The following THSD7A variants were observed in gnomAD, a reference collection of about 807,000 sequenced individuals.
The protein encoded by THSD7A is thrombospondin type-1 domain-containing protein 7A.
A neutral mutation model predicts 231.3 loss-of-function variants in THSD7A; 96 were observed. That is an observed-to-expected ratio of 0.41 (90% CI 0.35 to 0.49). The LOEUF is 0.49. Ranked by LOEUF, THSD7A falls within the 20% of genes least tolerant of loss-of-function variation. The probability of loss-of-function intolerance (pLI) is 0.05; values close to 1 mark genes in which losing one functional copy is unlikely to be tolerated. For synonymous variants in THSD7A, 940 were observed against 743.3 expected (o/e 1.26, Z -4.30); for missense variants, 2,290 against 2,070.2 (o/e 1.11, Z -2.06).
At chr7:11,822,163 AC>A in intron 1 of THSD7A, among the ~76,000 whole-genome samples, 1 of 152,140 alleles carries the variant, frequency 6.6e-6, no homozygotes, top group Non-Finnish European at 1.5e-5. Context: ...CGCACATTGC[AC>A]CCATTAGGTA....
chr7:11,411,431 C>G lies in THSD7A; in HGVS notation c.3683-109G>C. 1 of 716,614 alleles carries G rather than the reference C, an allele frequency of 1.4e-6. No homozygotes were observed. The highest frequency in any genetic ancestry group is 2.3e-6 in the Non-Finnish European group (1 of 427,348). 44.4% of individuals were successfully genotyped at this position (716,614 alleles called of 1,614,324 possible). Reference sequence around the variant, plus strand: ...TTTAATTCACAACTGCTTCCTAAGCCCCATAATCAATCATCCCCCATGCAG... The same window carrying G: ...TTTAATTCACAACTGCTTCCTAAGCGCCATAATCAATCATCCCCCATGCAG... On this transcript the variant is annotated intron_variant, in intron 18 of 27. Coordinates refer to ENST00000423059, the MANE Select transcript of THSD7A (RefSeq NM_015204.3). The surrounding 1 kb of genome is among the most constrained non-coding windows in gnomAD (Gnocchi z 4.1).
chr7:11,636,729 C>T lies in THSD7A; in HGVS notation c.423G>A (p.Glu141=), dbSNP rs1156404764. ...CCCCCTTAATGCACTCAAGAGGTTTCTCTAGGCTTTTTGAAATCACGGGCT... is the reference window on the plus strand; with the variant it reads ...CCCCCTTAATGCACTCAAGAGGTTTTTCTAGGCTTTTTGAAATCACGGGCT... ...QCQPVISKSL[E]KPLECIKGEE... is the part of the protein sequence containing the mutation. The change falls in exon 2 of 28, where the codon GAG becomes GAA. Residue 141 remains glutamate, a synonymous_variant. Coordinates refer to ENST00000423059, the MANE Select transcript of THSD7A (RefSeq NM_015204.3). The surrounding 1 kb of genome is among the most constrained non-coding windows in gnomAD (Gnocchi z 10.0). 3 of 1,613,982 alleles carry T rather than the reference C, an allele frequency of 1.9e-6. No homozygotes were observed. The highest frequency in any genetic ancestry group is 2.5e-6 in the Non-Finnish European group (3 of 1,179,886).
chr7:11,759,454 CAT>C (rs1219581652), intron 1 of THSD7A, among the ~76,000 whole-genome samples: 1 of 151,898 alleles, frequency 6.6e-6, no homozygotes, highest in Non-Finnish European at 1.5e-5. Context: ...GGCACACAGA[CAT>C]ATGAATATGT....
intron 4 of THSD7A, among the ~76,000 whole-genome samples, chr7:11,575,774 C>T (rs536843383): frequency 7.9e-5 from 12 of 152,252 alleles, no homozygotes; most frequent in African/African-American, 2.6e-4. Context: ...CACTTATTAC[C>T]CTTTACTGAA....
At position 11,375,468 on chromosome 7, in the gene THSD7A, C is replaced by T; in HGVS notation, c.*326G>A. ...CTGCAGACGGTCTTGTATCAGGCATCCTAACTGGCCAATTCCACCATTATT... is the reference window on the plus strand; with the variant it reads ...CTGCAGACGGTCTTGTATCAGGCATTCTAACTGGCCAATTCCACCATTATT... On this transcript the variant is annotated 3_prime_UTR_variant, in exon 28 of 28. Coordinates refer to ENST00000423059, the MANE Select transcript of THSD7A (RefSeq NM_015204.3). The T allele has an allele frequency of 9.9e-6, 2 of 202,292 alleles. No individual in the cohort carries two copies. Among genetic ancestry groups the T allele is most frequent in the Non-Finnish European group, 2.0e-5 (2 of 100,600 alleles). 12.5% of individuals were successfully genotyped at this position (202,292 alleles called of 1,614,324 possible).
At chr7:11,800,548 T>A (rs927253309) in intron 1 of THSD7A, among the ~76,000 whole-genome samples, 38 of 151,698 alleles carry the variant, frequency 2.5e-4, no homozygotes, top group African/African-American at 8.0e-4. Context: ...AAACCCCATC[T>A]CAAAAAAGAA....
chr7:11,708,739 A>G (rs1780851277), intron 1 of THSD7A, among the ~76,000 whole-genome samples: 1 of 150,802 alleles, frequency 6.6e-6, no homozygotes, highest in African/African-American at 2.4e-5. Flanking sequence ...GCTATGTCTC[A>G]TTTCTTGTAT....
intron 11 of THSD7A, among the ~76,000 whole-genome samples, chr7:11,452,026 G>A (rs1040230890): frequency 6.6e-6 from 1 of 152,032 alleles, no homozygotes; most frequent in African/African-American, 2.4e-5. Context: ...CCTTAGTGCA[G>A]TGAAAGCTGT....
intron 1 of THSD7A, among the ~76,000 whole-genome samples, chr7:11,712,677 G>A (rs569456925): frequency 6.6e-6 from 1 of 150,970 alleles, no homozygotes; most frequent in African/African-American, 2.4e-5. Context: ...CTCAACCTTA[G>A]ATTCTACATT....
chr7:11,546,203 C>CGCG (rs1562706160), intron 4 of THSD7A, among the ~76,000 whole-genome samples: 6 of 34,988 alleles, frequency 1.7e-4, no homozygotes, highest in South Asian at 1.1e-3. Context: ...TGGGCGCGCG[C>CGCG]TCACACACAC....
chr7:11,816,224 C>G (rs1317464339), intron 1 of THSD7A, among the ~76,000 whole-genome samples: 1 of 152,198 alleles, frequency 6.6e-6, no homozygotes, highest in Non-Finnish European at 1.5e-5. Context: ...AAAATAGGTA[C>G]TAAGTGCCTG....
At chr7:11,499,729 G>A (rs1056819644) in intron 6 of THSD7A, among the ~76,000 whole-genome samples, 2 of 152,294 alleles carry the variant, frequency 1.3e-5, no homozygotes, top group South Asian at 2.1e-4. Flanking sequence ...AGAACTTGAA[G>A]ACTGGTTCTG....
chr7:11,371,797 T>C lies in THSD7A; in HGVS notation c.*3997A>G, dbSNP rs559357415. 6.6e-6 allele frequency: 1 copy of C among 151,914 alleles called. No homozygotes were observed. The highest frequency in any genetic ancestry group is 2.4e-5 in the African/African-American group (1 of 41,434). The allele number at this position is 151,914 out of a possible 1,614,324, so 9.4% of individuals were successfully genotyped here. A position where few individuals can be genotyped will look rare whatever the true frequency, so the allele number is the denominator to read the frequency against. On this transcript the variant is annotated 3_prime_UTR_variant, in exon 28 of 28. Coordinates refer to ENST00000423059, the MANE Select transcript of THSD7A (RefSeq NM_015204.3). ...TTCCACATTTTTCCTTTTCCCTTTATTCATTTCTTTGACCAGTGGATTTGG... is the reference window on the plus strand; with the variant it reads ...TTCCACATTTTTCCTTTTCCCTTTACTCATTTCTTTGACCAGTGGATTTGG...
intron 6 of THSD7A, among the ~76,000 whole-genome samples, chr7:11,518,624 CACACAG>C (rs1788136678): frequency 6.6e-6 from 1 of 152,030 alleles, no homozygotes; most frequent in African/African-American, 2.4e-5. Flanking sequence ...CACACACGCA[CACACAG>C]GCACGCACAC....
chr7:11,591,363 C>T (rs907012648), intron 3 of THSD7A, among the ~76,000 whole-genome samples: 2 of 151,940 alleles, frequency 1.3e-5, no homozygotes, highest in African/African-American at 2.4e-5. Flanking sequence ...AAATATTTCT[C>T]GATGCCACCG....
chr7:11,612,168 T>C (rs1780955839), intron 2 of THSD7A, among the ~76,000 whole-genome samples: 1 of 152,048 alleles, frequency 6.6e-6, no homozygotes, highest in Non-Finnish European at 1.5e-5. Flanking sequence ...CATGCTGTTC[T>C]CCCTCTCCAT....
intron 6 of THSD7A, among the ~76,000 whole-genome samples, chr7:11,512,740 G>A (rs12374952): frequency 0.14 from 17,669 of 129,144 alleles, 1,190 homozygotes; most frequent in Middle Eastern, 0.19. Context: ...AGAACACTTG[G>A]TCACAGGGTG....
chr7:11,420,281 T>G (rs1225392792), intron 16 of THSD7A, among the ~76,000 whole-genome samples: 5 of 151,986 alleles, frequency 3.3e-5, no homozygotes. Context: ...AGGAGGGAAA[T>G]TTGGTTTTGT....
intron 1 of THSD7A, among the ~76,000 whole-genome samples, chr7:11,807,740 A>T (rs1784434148): frequency 6.6e-6 from 1 of 152,152 alleles, no homozygotes; most frequent in Non-Finnish European, 1.5e-5. Context: ...GCTTAGCCTC[A>T]TATACTCTGT....
Sources: allele counts gnomAD v4.1 joint callset (sites outside exome capture counted in the v4.1 genomes callset), GRCh38; gene constraint gnomAD v4.1.1; non-coding constraint Gnocchi (gnomAD v3.1); transcripts MANE v1.5; gene names NCBI Gene and HGNC (gene_info 2026-07-23, HGNC 2026-07-21).